Variants in AKAP3 observed in about 807,000 individuals in gnomAD.
AKAP3 encodes A-kinase anchor protein 3.
In AKAP3, 27 loss-of-function variants were observed where a neutral mutation model predicts 57.2. That is an observed-to-expected ratio of 0.47 (90% CI 0.35 to 0.65). AKAP3 has a LOEUF of 0.65. AKAP3 is among the 30% of genes least tolerant of loss of function. The pLI, the probability that AKAP3 is intolerant of heterozygous loss-of-function variation, is 0.01. For synonymous variants in AKAP3, 334 were observed against 392.3 expected (o/e 0.85, Z 1.76); for missense variants, 959 against 1,040.0 (o/e 0.92, Z 1.07).
intron 4 of AKAP3, chr12:4,636,275 G>A (rs1945564213): frequency 2.6e-6 from 1 of 387,798 alleles, no homozygotes. Context: ...GGCAAGCGGA[G>A]CTGTGGGCTG....
intron 2 of AKAP3, among the ~76,000 whole-genome samples, chr12:4,643,533 C>T (rs778997758): frequency 2.6e-5 from 4 of 152,202 alleles, no homozygotes; most frequent in Admixed American, 6.5e-5. Context: ...ATACTCTCAG[C>T]TTATAGATTA....
At chr12:4,632,773 T>C (rs546170778) in intron 4 of AKAP3, among the ~76,000 whole-genome samples, 769 of 152,202 alleles carry the variant, frequency 5.1e-3, no homozygotes, top group African/African-American at 0.017. Flanking sequence ...CCCGAGTAGC[T>C]GGGACTACAG....
At chr12:4,648,419 A>G (rs1249733785) in intron 1 of AKAP3, 1 of 152,246 alleles carries the variant, frequency 6.6e-6, no homozygotes, top group Non-Finnish European at 1.5e-5. Context: ...TTTGGTATAT[A>G]AACTTAAACC....
rs952459758 is a variant in AKAP3, at chr12:4,645,200, G to A, written c.-244-8C>T. 6.6e-6 allele frequency: 1 copy of A among 152,220 alleles called. No homozygotes were observed. Among genetic ancestry groups the A allele is most frequent in the Non-Finnish European group, 1.5e-5 (1 of 68,046 alleles). 9.4% of individuals were successfully genotyped at this position (152,220 alleles called of 1,614,324 possible). A position where few individuals can be genotyped will look rare whatever the true frequency, so the allele number is the denominator to read the frequency against. On this transcript the variant is annotated splice_polypyrimidine_tract_variant and splice_region_variant and intron_variant, in intron 1 of 5. Transcript: ENST00000228850. ...ACCTCCCCCTTGCTGGGACTGGAGAGTGACATCAGAATCACAATTGGTGAT... is the reference window on the plus strand; with the variant it reads ...ACCTCCCCCTTGCTGGGACTGGAGAATGACATCAGAATCACAATTGGTGAT...
At chr12:4,638,020 G>A in intron 4 of AKAP3, 81 bp downstream of exon 4, 1 of 1,161,402 alleles carries the variant, frequency 8.6e-7, no homozygotes, top group Non-Finnish European at 1.3e-6. Context: ...GAGGTTGGTG[G>A]TATGGTGGAG....
Position 4,615,787 on chromosome 12 carries a change from C to A in AKAP3, c.2514G>T (p.Gly838=), listed in dbSNP as rs1490834479. The change falls in exon 6 of 6, where the codon GGG becomes GGT. Residue 838 remains glycine (G), a synonymous_variant. Coordinates refer to ENST00000228850, the MANE Select transcript of AKAP3 (RefSeq NM_001278309.2). ...CCAGCAGCTGCAGCGGTGTGACATT[C>A]CCCACCGCCTCATTCAGCTGGCGCT... ...EKERQLNEAV[G]NVTPLQLLDW... is the part of the protein sequence containing the mutation. 1.9e-6 allele frequency: 3 copies of A among 1,614,194 alleles called. No homozygotes were observed. Among genetic ancestry groups the A allele is most frequent in the Non-Finnish European group, 2.5e-6 (3 of 1,180,028 alleles).
chr12:4,623,894 C>A (rs1034264018), intron 5 of AKAP3, among the ~76,000 whole-genome samples: 6 of 152,128 alleles, frequency 3.9e-5, no homozygotes, highest in Non-Finnish European at 7.4e-5. Context: ...AAAATTTTAG[C>A]ATGCACTGTT....
chr12:4,643,669 G>A (rs950210193), intron 2 of AKAP3, among the ~76,000 whole-genome samples: 1 of 152,182 alleles, frequency 6.6e-6, no homozygotes, highest in Non-Finnish European at 1.5e-5. Flanking sequence ...GGACTAAAAT[G>A]TTTCTCAAAA....
intron 4 of AKAP3, among the ~76,000 whole-genome samples, chr12:4,636,834 CA>C (rs1210803391): frequency 3.9e-5 from 6 of 152,196 alleles, no homozygotes; most frequent in African/African-American, 1.4e-4. Flanking sequence ...ACTACGACCT[CA>C]AACTCCTGGG....
intron 1 of AKAP3, chr12:4,648,124 T>C (rs1945721063): frequency 6.6e-6 from 1 of 152,218 alleles, no homozygotes; most frequent in African/African-American, 2.4e-5. Context: ...TAAAGTATTT[T>C]AAAATCCAAG....
At chr12:4,638,038 G>C (rs1207689222) in intron 4 of AKAP3, 63 bp downstream of exon 4, 2 of 1,330,928 alleles carry the variant, frequency 1.5e-6, no homozygotes, top group Non-Finnish European at 2.2e-6. Flanking sequence ...GAGAGAATAA[G>C]GCTACTCTTA....
At position 4,627,720 on chromosome 12, in the gene AKAP3, G is replaced by A. The variant is rs1945439100; in HGVS notation, c.1182C>T (p.Val394=). ...TCTCAGCCTTGTCTTGGGCTTTCCT[G>A]ACATGCTCAGGGACTTTCTTGGCAA... ...VMFAKKVPEH[V]RKAQDKAESY... Residue 394 remains valine, a synonymous_variant, in exon 5 of 6, where the codon GTC becomes GTT. Coordinates refer to ENST00000228850, the MANE Select transcript of AKAP3 (RefSeq NM_001278309.2). 1 of 1,613,986 alleles carries A rather than the reference G, an allele frequency of 6.2e-7. No individual in the cohort carries two copies. Among genetic ancestry groups the A allele is most frequent in the Non-Finnish European group, 8.5e-7 (1 of 1,180,040 alleles).
At chr12:4,629,086 G>A (rs1173410474) in intron 4 of AKAP3, among the ~76,000 whole-genome samples, 2 of 152,206 alleles carry the variant, frequency 1.3e-5, no homozygotes, top group Non-Finnish European at 2.9e-5. Context: ...GAGAGGTTAA[G>A]TCTGTAACTT....
chr12:4,626,547 G>C lies in AKAP3; in HGVS notation c.2355C>G (p.Leu785=), dbSNP rs779316251. 1 of 1,614,006 alleles carries C rather than the reference G, an allele frequency of 6.2e-7. No homozygotes were observed. The highest frequency in any genetic ancestry group is 8.5e-7 in the Non-Finnish European group (1 of 1,180,020). Residue 785 remains leucine (L), a synonymous_variant, in exon 5 of 6, where the codon CTC becomes CTG. Transcript: ENST00000228850. ...AVLQWVAASE[L]NVPILYFAGD... ...CAGCAAAATACAAAATAGGGACATT[G>C]AGCTCAGAGGCAGCTACCCATTGAA...
At chr12:4,635,509 C>A (rs545022146) in intron 4 of AKAP3, 5 of 676,490 alleles carry the variant, frequency 7.4e-6, no homozygotes, top group Middle Eastern at 2.6e-4. Flanking sequence ...CTGATGTCTT[C>A]ATGAATAATA....
intron 5 of AKAP3, among the ~76,000 whole-genome samples, chr12:4,621,223 T>TAA (rs57474177): frequency 9.9e-5 from 15 of 151,978 alleles, no homozygotes; most frequent in African/African-American, 2.4e-4. Context: ...GCCAAAAAGT[T>TAA]AAAAAAAATC....
chr12:4,617,645 G>A (rs1028082489), intron 5 of AKAP3, among the ~76,000 whole-genome samples: 8 of 151,752 alleles, frequency 5.3e-5, no homozygotes, highest in East Asian at 3.9e-4. Flanking sequence ...CCAGCTACTC[G>A]AGAGGCGGAG....
chr12:4,622,413 G>A (rs1945357836), intron 5 of AKAP3, among the ~76,000 whole-genome samples: 1 of 152,110 alleles, frequency 6.6e-6, no homozygotes, highest in African/African-American at 2.4e-5. Context: ...AAAACAGCAT[G>A]GTACTGGTAC....
At chr12:4,642,541 A>T (rs1327800766) in intron 2 of AKAP3, among the ~76,000 whole-genome samples, 1 of 152,198 alleles carries the variant, frequency 6.6e-6, no homozygotes, top group Non-Finnish European at 1.5e-5. Context: ...TCTCTTCTTG[A>T]ATATCCACCC....
Sources: gnomAD v4.1 joint callset for allele counts (sites outside exome capture counted in the v4.1 genomes callset) on GRCh38, gnomAD v4.1.1 for gene constraint, MANE v1.5 for transcripts, NCBI Gene and HGNC (gene_info 2026-07-23, HGNC 2026-07-21) for gene names.